Variants in PTPRM observed in about 807,000 individuals in gnomAD.
PTPRM encodes protein tyrosine phosphatase receptor type M.
A neutral mutation model predicts 186.7 loss-of-function variants in PTPRM; 47 were observed. The observed-to-expected ratio is 0.25, with a 90% CI of 0.20 to 0.32. The LOEUF (loss-of-function observed/expected upper bound fraction) is 0.32, where lower values mean the gene tolerates loss of function less well. Among genes scored for constraint, PTPRM ranks in the 10% least tolerant of loss-of-function variants. The pLI is 1.00. For synonymous variants in PTPRM, 668 were observed against 674.9 expected, an observed-to-expected ratio of 0.99 and a Z score of 0.16; for missense variants, 1,494 against 1,865.0, an observed-to-expected ratio of 0.80 and a Z score of 3.66.
intron 14 of PTPRM, among the ~76,000 whole-genome samples, chr18:8,153,887 T>C (rs1464555481): frequency 2.0e-5 from 3 of 152,234 alleles, no homozygotes; most frequent in Non-Finnish European, 4.4e-5. Flanking sequence ...TCTCTGGCCC[T>C]AGTTTCCTCT....
At chr18:7,929,177 A>C (rs2051340236) in intron 5 of PTPRM, among the ~76,000 whole-genome samples, 1 of 152,220 alleles carries the variant, frequency 6.6e-6, no homozygotes, top group Non-Finnish European at 1.5e-5. Flanking sequence ...AGTGTGAAGC[A>C]AAATACAACA....
chr18:8,033,445 C>T (rs910463863), intron 7 of PTPRM, among the ~76,000 whole-genome samples: 31 of 152,096 alleles, frequency 2.0e-4, no homozygotes, highest in African/African-American at 6.8e-4. Flanking sequence ...GTGCAAACAT[C>T]GTAGAGTGCA....
Position 7,567,975 on chromosome 18 carries a change from G to A in PTPRM, c.73+84G>A. On this transcript the variant is annotated intron_variant, in intron 1 of 32. Transcript: ENST00000580170. This position sits in a 1 kb window ranked among gnomAD's most constrained non-coding sequence, Gnocchi z 4.3. ...ACGCCGACAGCTCCCTGGTGGTAGA[G>A]CCCTAAGGCTGGCGTCGGGGCCGGG... is the stretch of plus-strand genomic sequence containing the variant. 1 of 1,336,236 alleles carries A rather than the reference G, an allele frequency of 7.5e-7. No individual in the cohort carries two copies. The highest frequency in any genetic ancestry group is 1.6e-5 in the South Asian group (1 of 61,706). The allele number at this position is 1,336,236 out of a possible 1,614,324, so 82.8% of individuals were successfully genotyped here. A position where few individuals can be genotyped will look rare whatever the true frequency, so the allele number is the denominator to read the frequency against.
chr18:8,389,124 G>C (rs1346528388), intron 31 of PTPRM, among the ~76,000 whole-genome samples: 1 of 152,154 alleles, frequency 6.6e-6, no homozygotes, highest in Non-Finnish European at 1.5e-5. Context: ...TAACATTGTA[G>C]TTCGTTTGTA....
chr18:8,113,939 T>C (rs2091858457), intron 12 of PTPRM, among the ~76,000 whole-genome samples, 180 bp downstream of exon 12: 1 of 136,102 alleles, frequency 7.3e-6, no homozygotes, highest in Non-Finnish European at 1.6e-5. Flanking sequence ...GAAACAAATA[T>C]ACTCATCTTT....
intron 4 of PTPRM, among the ~76,000 whole-genome samples, chr18:7,917,004 T>C (rs2050598313): frequency 6.6e-6 from 1 of 152,210 alleles, no homozygotes; most frequent in Admixed American, 6.5e-5. Flanking sequence ...ATCAACTTTA[T>C]GATCTCTCTT....
rs1319265420 is a variant in PTPRM at position 7,617,422 on chromosome 18, A to AACACC, written c.73+49532_73+49536dup. On this transcript the variant is annotated intron_variant, in intron 1 of 32. Transcript: ENST00000580170. ...TGCAGAAGTTATAGTTATTTGTTTA[A>AACACC]ACACCTTTCTCCTCTGTTAATCTGT... Among the ~76,000 whole-genome samples the AACACC allele has an allele frequency of 3.9e-5, 6 of 152,052 alleles. No homozygotes were observed. In the East Asian group the frequency reaches 1.2e-3, roughly 29 times the overall value.
intron 23 of PTPRM, among the ~76,000 whole-genome samples, chr18:8,352,752 A>G (rs544570907): frequency 6.6e-6 from 1 of 150,644 alleles, no homozygotes; most frequent in East Asian, 2.0e-4. Flanking sequence ...GCTCACTGCA[A>G]CCTCCGCCTC....
intron 19 of PTPRM, among the ~76,000 whole-genome samples, chr18:8,284,530 A>G (rs1202742296): frequency 1.3e-5 from 2 of 152,122 alleles, no homozygotes; most frequent in African/African-American, 2.4e-5. Context: ...TTGGGGTATA[A>G]TGCCCTCCAT....
At chr18:7,834,156 A>G (rs1045628589) in intron 2 of PTPRM, among the ~76,000 whole-genome samples, 3 of 151,914 alleles carry the variant, frequency 2.0e-5, no homozygotes, top group African/African-American at 7.3e-5. Context: ...TGTTAATTTT[A>G]CCAAATACTT....
At chr18:8,376,726 G>GTTCC (rs1321815918) in intron 26 of PTPRM, 129 bp downstream of exon 26, 4 of 1,084,742 alleles carry the variant, frequency 3.7e-6, no homozygotes, top group East Asian at 3.0e-5. Context: ...GGCATTCCCT[G>GTTCC]TTCCTTCCCT....
chr18:7,956,732 A>G (rs1359183676), intron 7 of PTPRM, among the ~76,000 whole-genome samples: 1 of 152,234 alleles, frequency 6.6e-6, no homozygotes, highest in African/African-American at 2.4e-5. Flanking sequence ...TGTCTTCTTT[A>G]AACCTCGTCA....
At chr18:8,144,186 A>G (rs972490402) in intron 14 of PTPRM, among the ~76,000 whole-genome samples, 1 of 152,290 alleles carries the variant, frequency 6.6e-6, no homozygotes, top group East Asian at 1.9e-4. Context: ...GACAGATTTT[A>G]TGGGGCCTGT....
intron 1 of PTPRM, among the ~76,000 whole-genome samples, chr18:7,708,232 C>T (rs1340115454): frequency 1.3e-5 from 2 of 152,120 alleles, no homozygotes; most frequent in Admixed American, 1.3e-4. Context: ...AACCAAATAA[C>T]GTTTTCCAGT....
chr18:8,156,480 A>C (rs2093124139), intron 14 of PTPRM, among the ~76,000 whole-genome samples: 1 of 152,208 alleles, frequency 6.6e-6, no homozygotes, highest in Non-Finnish European at 1.5e-5. Context: ...TGTACTGCAT[A>C]GGGGATGCGG....
At chr18:8,381,693 C>T (rs764210623) in intron 29 of PTPRM, among the ~76,000 whole-genome samples, 5 of 152,160 alleles carry the variant, frequency 3.3e-5, no homozygotes, top group East Asian at 1.9e-4. Context: ...GCAGACACCA[C>T]GGCTTGTGAA....
chr18:8,214,563 T>C (rs1023523289), intron 14 of PTPRM, among the ~76,000 whole-genome samples: 9 of 152,218 alleles, frequency 5.9e-5, no homozygotes, highest in Non-Finnish European at 1.3e-4. Flanking sequence ...TTTTTCTTCT[T>C]ATCTGCAGTG....
At chr18:8,240,618 G>GGAGAGA (rs372227037) in intron 14 of PTPRM, among the ~76,000 whole-genome samples, 11 of 34,824 alleles carry the variant, frequency 3.2e-4, no homozygotes, top group East Asian at 1.6e-3. Flanking sequence ...AGAGAGGGAG[G>GGAGAGA]GAGAGAGAGA....
chr18:8,397,082 C>G (rs2095848592), intron 32 of PTPRM, among the ~76,000 whole-genome samples: 1 of 152,232 alleles, frequency 6.6e-6, no homozygotes, highest in South Asian at 2.1e-4. Context: ...GAGCAGTGTA[C>G]TGAGTCTACT....
Sources: gnomAD v4.1 joint callset for allele counts (sites outside exome capture counted in the v4.1 genomes callset) on GRCh38, gnomAD v4.1.1 for gene constraint, Gnocchi (gnomAD v3.1) non-coding constraint, MANE v1.5 for transcripts, NCBI Gene and HGNC (gene_info 2026-07-23, HGNC 2026-07-21) for gene names.